Variants in ZBTB16 observed in about 807,000 individuals in gnomAD.
The protein encoded by ZBTB16 is zinc finger and BTB domain containing 16.
ZBTB16 carries 8 observed loss-of-function variants against 56.8 expected under a neutral mutation model. The ratio of observed to expected loss-of-function variants is 0.14; its 90% CI spans 0.08 to 0.25. The LOEUF (loss-of-function observed/expected upper bound fraction) is 0.25. Among genes scored for constraint, ZBTB16 ranks in the 10% least tolerant of loss-of-function variants. The probability of loss-of-function intolerance (pLI) is 1.00; values close to 1 mark genes in which losing one functional copy is unlikely to be tolerated. For synonymous variants in ZBTB16, 363 were observed against 368.5 expected (o/e 0.98, Z 0.17); for missense variants, 625 against 903.0 (o/e 0.69, Z 3.95).
At chr11:114,138,908 C>T in intron 2 of ZBTB16, among the ~76,000 whole-genome samples, 1 of 152,086 alleles carries the variant, frequency 6.6e-6, no homozygotes, top group Non-Finnish European at 1.5e-5. Flanking sequence ...CCAGGCTGGT[C>T]TCGAACTCCT....
intron 3 of ZBTB16, among the ~76,000 whole-genome samples, chr11:114,160,083 G>A (rs551677991): frequency 1.2e-3 from 190 of 152,248 alleles, no homozygotes; most frequent in African/African-American, 3.6e-3. Context: ...CAGCAGAGCC[G>A]AACGGCTCTC....
At chr11:114,125,813 T>C (rs1248345163) in intron 2 of ZBTB16, among the ~76,000 whole-genome samples, 1 of 152,204 alleles carries the variant, frequency 6.6e-6, no homozygotes, top group African/African-American at 2.4e-5. Flanking sequence ...GGAGGTCTTT[T>C]ACGGTCCTAC....
intron 4 of ZBTB16, among the ~76,000 whole-genome samples, chr11:114,217,556 A>T (rs1350707632): frequency 2.6e-5 from 4 of 152,102 alleles, no homozygotes; most frequent in African/African-American, 9.7e-5. Context: ...AGAGGCGAAG[A>T]TGTGGGTTTC....
chr11:114,225,022 G>A (rs1944301727), intron 4 of ZBTB16, among the ~76,000 whole-genome samples: 1 of 152,122 alleles, frequency 6.6e-6, no homozygotes, highest in Non-Finnish European at 1.5e-5. Context: ...AGTGGAGGAG[G>A]TGGTTAGTTA....
chr11:114,072,719 C>T (rs539812530), intron 2 of ZBTB16, among the ~76,000 whole-genome samples: 3 of 152,196 alleles, frequency 2.0e-5, no homozygotes, highest in East Asian at 3.9e-4. Context: ...CTCAGATGGG[C>T]GGAGAGAAGC....
At chr11:114,185,243 G>T (rs1259765128) in intron 3 of ZBTB16, among the ~76,000 whole-genome samples, 5 of 152,138 alleles carry the variant, frequency 3.3e-5, no homozygotes, top group Admixed American at 2.0e-4. Context: ...GCGCTAAGAC[G>T]TGTTGAAAGG....
Position 114,203,767 on chromosome 11 carries a change from A to T in ZBTB16, c.1453+16729A>T, listed in dbSNP as rs55931450. ...ATCATAGTGACCATTCAGACAGTGC[A>T]GGAGACTGTGGCACCTTTAGAATCA... is the stretch of plus-strand genomic sequence containing the variant. On this transcript the variant is annotated intron_variant, in intron 4 of 6. Coordinates refer to ENST00000335953, the MANE Select transcript of ZBTB16 (RefSeq NM_006006.6). 8.1e-3 allele frequency among the ~76,000 whole-genome samples: 1,233 copies of T among 152,310 alleles called. 11 individuals are homozygous for T. The highest frequency in any genetic ancestry group is 0.011 in the Non-Finnish European group (716 of 68,028).
At chr11:114,167,568 C>T (rs572206735) in intron 3 of ZBTB16, among the ~76,000 whole-genome samples, 4 of 151,730 alleles carry the variant, frequency 2.6e-5, no homozygotes, top group African/African-American at 9.7e-5. Context: ...GTAAAGCAAC[C>T]ACAATGCATA....
At chr11:114,236,261 A>G (rs570029260) in intron 4 of ZBTB16, among the ~76,000 whole-genome samples, 10 of 152,338 alleles carry the variant, frequency 6.6e-5, no homozygotes, top group African/African-American at 2.4e-4. Context: ...TAACAGGGCT[A>G]TGAAGTTAGG....
chr11:114,172,880 C>A (rs779287288), intron 3 of ZBTB16, among the ~76,000 whole-genome samples: 1 of 152,040 alleles, frequency 6.6e-6, no homozygotes, highest in Admixed American at 6.6e-5. Flanking sequence ...TGTTTTTTTC[C>A]GGCAGGGAGG....
intron 4 of ZBTB16, among the ~76,000 whole-genome samples, chr11:114,225,736 G>A (rs1944316711): frequency 6.6e-6 from 1 of 152,102 alleles, no homozygotes; most frequent in African/African-American, 2.4e-5. Context: ...AACCATAGAA[G>A]TACCTAAGTT....
intron 3 of ZBTB16, among the ~76,000 whole-genome samples, chr11:114,171,288 C>A (rs1470990984): frequency 6.6e-6 from 1 of 152,210 alleles, no homozygotes; most frequent in African/African-American, 2.4e-5. Context: ...TGATGACAAC[C>A]CTGGGGATCT....
intron 2 of ZBTB16, among the ~76,000 whole-genome samples, chr11:114,091,107 G>A (rs546885258): frequency 6.6e-6 from 1 of 152,212 alleles, no homozygotes; most frequent in Admixed American, 6.5e-5. Context: ...GAGGCACTTC[G>A]GGAGGCCGAG....
intron 2 of ZBTB16, among the ~76,000 whole-genome samples, chr11:114,150,404 A>T (rs1172914485): frequency 2.0e-5 from 3 of 152,122 alleles, no homozygotes; most frequent in Non-Finnish European, 4.4e-5. Context: ...GGAGGCCAAG[A>T]TGGGAGGATC....
At chr11:114,249,329 G>A (rs1385241709) in intron 6 of ZBTB16, among the ~76,000 whole-genome samples, 1 of 151,730 alleles carries the variant, frequency 6.6e-6, no homozygotes, top group African/African-American at 2.4e-5. Context: ...CATGGTGGCG[G>A]CACCTGTGAT....
intron 2 of ZBTB16, among the ~76,000 whole-genome samples, chr11:114,145,616 G>A (rs1942078544): frequency 6.6e-6 from 1 of 152,224 alleles, no homozygotes; most frequent in Non-Finnish European, 1.5e-5. Flanking sequence ...TAGTACATAT[G>A]TGGTTGCCAA....
intron 2 of ZBTB16, among the ~76,000 whole-genome samples, chr11:114,150,402 AG>A (rs745922324): frequency 3.3e-5 from 5 of 152,218 alleles, no homozygotes; most frequent in African/African-American, 4.8e-5. Flanking sequence ...TGGGAGGCCA[AG>A]ATGGGAGGAT....
chr11:114,242,809 G>C (rs1397577558), intron 5 of ZBTB16, among the ~76,000 whole-genome samples: 1 of 152,222 alleles, frequency 6.6e-6, no homozygotes, highest in Non-Finnish European at 1.5e-5. Context: ...TCGGGCTTCT[G>C]AGGGCAAGTT....
intron 4 of ZBTB16, among the ~76,000 whole-genome samples, chr11:114,218,306 C>G (rs545132461): frequency 1.3e-5 from 2 of 152,110 alleles, no homozygotes; most frequent in Non-Finnish European, 1.5e-5. Context: ...TTGGTTCTGT[C>G]GCATTGTCTG....
Sources: allele counts gnomAD v4.1 joint callset (sites outside exome capture counted in the v4.1 genomes callset), GRCh38; gene constraint gnomAD v4.1.1; transcripts MANE v1.5; gene names NCBI Gene and HGNC (gene_info 2026-07-23, HGNC 2026-07-21).